The following QTMAN variants were observed in gnomAD, a reference collection of about 807,000 sequenced individuals.
QTMAN encodes the protein tRNA-queuosine alpha-mannosyltransferase.
At chr2:144,085,334 T>C in the QTMAN span, among the ~76,000 whole-genome samples, 6 of 152,328 alleles carry the variant, frequency 3.9e-5, no homozygotes, top group East Asian at 1.2e-3. Flanking sequence ...CATAATAAGA[T>C]TCATTGGTAC....
the QTMAN span, chr2:144,011,751 A>T: frequency 3.0e-6 from 3 of 985,092 alleles, no homozygotes; most frequent in Non-Finnish European, 3.6e-6. Flanking sequence ...TGACGTGACT[A>T]TGCAAATAGG....
the QTMAN span, among the ~76,000 whole-genome samples, chr2:144,224,406 G>A: frequency 1.5e-3 from 225 of 152,230 alleles, no homozygotes; most frequent in African/African-American, 4.8e-3. Context: ...TGTTCCGCAT[G>A]CTTGGGGATA....
the QTMAN span, among the ~76,000 whole-genome samples, chr2:144,028,316 A>G: frequency 2.6e-5 from 4 of 152,234 alleles, no homozygotes; most frequent in Admixed American, 2.6e-4. Flanking sequence ...TTGCAAAATG[A>G]AGGTTATTGC....
At chr2:144,197,546 C>G in the QTMAN span, among the ~76,000 whole-genome samples, 1 of 151,822 alleles carries the variant, frequency 6.6e-6, no homozygotes, top group Admixed American at 6.6e-5. Flanking sequence ...TAATTATAAC[C>G]ACTAAAGTAG....
At chr2:144,147,321 C>A in the QTMAN span, among the ~76,000 whole-genome samples, 41 of 151,242 alleles carry the variant, frequency 2.7e-4, no homozygotes, top group East Asian at 1.9e-4. Context: ...TCTGTCTATA[C>A]CCAAATAAAA....
the QTMAN span, among the ~76,000 whole-genome samples, chr2:143,989,904 T>G: frequency 2.0e-5 from 3 of 152,138 alleles, no homozygotes; most frequent in African/African-American, 7.2e-5. Flanking sequence ...CCAGCCTGGT[T>G]CCTGGAAGCC....
the QTMAN span, among the ~76,000 whole-genome samples, chr2:144,203,253 G>A: frequency 6.6e-6 from 1 of 152,040 alleles, no homozygotes; most frequent in Non-Finnish European, 1.5e-5. Context: ...AGAGAGCAAA[G>A]AGACAGAAAG....
chr2:144,095,229 T>C, the QTMAN span, among the ~76,000 whole-genome samples: 2 of 152,214 alleles, frequency 1.3e-5, no homozygotes, highest in Admixed American at 6.5e-5. Flanking sequence ...TTGCCCAGTC[T>C]CACTTTTATA....
At chr2:143,952,224 C>T in the QTMAN span, 7 of 609,534 alleles carry the variant, frequency 1.1e-5, no homozygotes, top group Non-Finnish European at 2.1e-5. Context: ...TACCTCAGCT[C>T]ACAAGGATGT....
the QTMAN span, among the ~76,000 whole-genome samples, chr2:144,041,105 C>G: frequency 2.0e-5 from 3 of 152,120 alleles, no homozygotes; most frequent in Admixed American, 6.5e-5. Flanking sequence ...ACTTTCATTG[C>G]GCTTGAGAAT....
At chr2:144,224,456 ATTTC>A in the QTMAN span, among the ~76,000 whole-genome samples, 3 of 152,156 alleles carry the variant, frequency 2.0e-5, no homozygotes, top group African/African-American at 7.2e-5. Context: ...ATCACAAACA[ATTTC>A]TTTCTAATTG....
At chr2:144,189,659 G>A in the QTMAN span, among the ~76,000 whole-genome samples, 3 of 151,462 alleles carry the variant, frequency 2.0e-5, no homozygotes, top group South Asian at 2.1e-4. Context: ...CTCTGTCACC[G>A]AGGCTGCTGG....
chr2:144,229,994 A>T, the QTMAN span, among the ~76,000 whole-genome samples: 3 of 152,178 alleles, frequency 2.0e-5, no homozygotes, highest in Non-Finnish European at 2.9e-5. Context: ...TTCAAAGACA[A>T]TCTATGAAAA....
At chr2:144,235,823 G>A in the QTMAN span, 8 of 152,378 alleles carry the variant, frequency 5.3e-5, no homozygotes, top group South Asian at 2.1e-4. Flanking sequence ...GAGCTGATTC[G>A]GATGATCTAG....
At chr2:144,109,380 AC>A in the QTMAN span, among the ~76,000 whole-genome samples, 115 of 152,212 alleles carry the variant, frequency 7.6e-4, 1 homozygote, top group Non-Finnish European at 6.2e-4. Context: ...CTTATACCTT[AC>A]ACAAAAATTA....
chr2:143,980,978 G>A, the QTMAN span, among the ~76,000 whole-genome samples: 2 of 152,114 alleles, frequency 1.3e-5, no homozygotes, highest in Non-Finnish European at 2.9e-5. Flanking sequence ...CAATTCTTGT[G>A]TTTGAAACAC....
chr2:144,160,511 C>T, the QTMAN span, among the ~76,000 whole-genome samples: 252 of 152,142 alleles, frequency 1.7e-3, no homozygotes, highest in Middle Eastern at 0.01. Context: ...AGACTGGAGA[C>T]AGATTTTGGA....
chr2:143,973,879 C>T, the QTMAN span, among the ~76,000 whole-genome samples: 5 of 151,986 alleles, frequency 3.3e-5, no homozygotes, highest in Admixed American at 6.6e-5. Context: ...TATCAAGGCA[C>T]GGATGACATT....
the QTMAN span, among the ~76,000 whole-genome samples, chr2:143,988,517 C>T: frequency 6.6e-6 from 1 of 152,222 alleles, no homozygotes; most frequent in African/African-American, 2.4e-5. Context: ...TACAGGATAG[C>T]TCTGATATGA....
Sources: gnomAD v4.1 joint callset for allele counts (sites outside exome capture counted in the v4.1 genomes callset) on GRCh38, gnomAD v4.1.1 for gene constraint, MANE v1.5 for transcripts, NCBI Gene and HGNC (gene_info 2026-07-23, HGNC 2026-07-21) for gene names.